Variants in MRPL43 observed in about 807,000 individuals in gnomAD.
MRPL43 encodes the protein mitochondrial ribosomal protein L43.
MRPL43 carries 9 observed loss-of-function variants against 12.7 expected under a neutral mutation model. That is an observed-to-expected ratio of 0.71 (90% CI 0.43 to 1.24). The LOEUF (loss-of-function observed/expected upper bound fraction) is 1.24, where lower values mean the gene tolerates loss of function less well. Ranked by LOEUF, MRPL43 falls within the 50% of genes most tolerant of loss-of-function variation. The pLI, the probability that MRPL43 is intolerant of heterozygous loss-of-function variation, is 0.00. For synonymous variants in MRPL43, 116 were observed against 96.4 expected, an observed-to-expected ratio of 1.20 and a Z score of -1.19; for missense variants, 211 against 229.2, an observed-to-expected ratio of 0.92 and a Z score of 0.51.
At chr10:100,984,094 C>T (rs150436471), downstream of MRPL43, 47 of 1,613,158 alleles carry the variant, frequency 2.9e-5, no homozygotes, top group African/African-American at 6.7e-5. Context: ...AGGAAGCACA[C>T]GCAGCTCGTG....
chr10:100,984,415 A>G (rs543028700), downstream of MRPL43: 2 of 1,469,622 alleles, frequency 1.4e-6, no homozygotes, highest in African/African-American at 1.4e-5. Context: ...CCTATCCCCT[A>G]ACCTAAACAC....
At chr10:100,982,980 C>A (rs935956371), downstream of MRPL43, among the ~76,000 whole-genome samples, 13 of 152,152 alleles carry the variant, frequency 8.5e-5, no homozygotes, top group African/African-American at 2.9e-4. Flanking sequence ...AGATGCCCAG[C>A]ACATGGTAGA....
chr10:100,979,143 T>A (rs144136150), downstream of MRPL43: 11 of 1,614,070 alleles, frequency 6.8e-6, no homozygotes, highest in African/African-American at 1.5e-4. Flanking sequence ...AGAAGTGGAC[T>A]TCCTTCCTGA....
downstream of MRPL43, chr10:100,983,898 G>GGCCCCCCCC: frequency 6.6e-7 from 1 of 1,523,112 alleles, no homozygotes; most frequent in Non-Finnish European, 8.8e-7. Flanking sequence ...TGGGGAGGGA[G>GGCCCCCCCC]CCCCAGCCCC....
downstream of MRPL43, chr10:100,978,490 T>A: frequency 6.2e-7 from 1 of 1,604,676 alleles, no homozygotes. Flanking sequence ...CTGTTGAATA[T>A]GACATGTCTC....
downstream of MRPL43, chr10:100,979,160 G>A (rs374601814): frequency 1.4e-5 from 23 of 1,614,070 alleles, no homozygotes; most frequent in African/African-American, 9.3e-5. Context: ...CTGAAAGCCC[G>A]TCTCATCTGC....
At chr10:100,984,972 C>A, downstream of MRPL43, 1 of 1,377,492 alleles carries the variant, frequency 7.3e-7, no homozygotes, top group Non-Finnish European at 9.6e-7. Context: ...CTTACATTTC[C>A]ACTCACATGC....
chr10:100,984,382 G>A (rs1171020858), downstream of MRPL43: 2 of 1,449,194 alleles, frequency 1.4e-6, no homozygotes, highest in Non-Finnish European at 9.0e-7. Flanking sequence ...AGGATCAGGT[G>A]CCCTGCAGAC....
At chr10:100,980,594 C>T (rs1458448137), downstream of MRPL43, 2 of 1,614,116 alleles carry the variant, frequency 1.2e-6, no homozygotes, top group South Asian at 1.1e-5. Context: ...GCTGGATCCA[C>T]AAGGCCGTAG....
downstream of MRPL43, chr10:100,980,173 C>T (rs1203491941): frequency 2.5e-6 from 4 of 1,614,254 alleles, no homozygotes; most frequent in Non-Finnish European, 3.4e-6. Context: ...CCAAGACTTG[C>T]CATCCCTGGT....
downstream of MRPL43, chr10:100,978,194 CT>C (rs1317130555): frequency 6.4e-6 from 5 of 784,900 alleles, no homozygotes; most frequent in African/African-American, 3.4e-5. Flanking sequence ...CAACCTGCCC[CT>C]ATCCCTGATC....
chr10:100,987,328 G>A lies in MRPL43; in HGVS notation c.116C>T (p.Ser39Leu), dbSNP rs139519013. 46 of 1,612,292 alleles carry A rather than the reference G, an allele frequency of 2.9e-5. No homozygotes were observed. The highest frequency in any genetic ancestry group is 4.0e-5 in the African/African-American group (3 of 74,934). The change falls in exon 1 of 3, where the codon TCG (serine) becomes TTG (leucine). Residue 39 changes from serine to leucine, a missense_variant. Ser to Leu is a moderately radical substitution (Grantham distance 145). Coordinates refer to ENST00000318364, the MANE Select transcript of MRPL43 (RefSeq NM_032112.3). ...LSFSVSRDGA[S>L]SRGAREFVER... ...CTTGGCTCACCTGGCGCCGCGAGAC[G>A]AGGCGCCGTCGCGGCTGACGCTGAA...
downstream of MRPL43, chr10:100,984,009 C>T: frequency 6.2e-7 from 1 of 1,612,662 alleles, no homozygotes; most frequent in African/African-American, 1.3e-5. Context: ...CTATGTGCTT[C>T]TGAGGCAGAG....
downstream of MRPL43, among the ~76,000 whole-genome samples, chr10:100,982,072 A>AG (rs1388585229): frequency 6.6e-6 from 1 of 150,732 alleles, no homozygotes; most frequent in Non-Finnish European, 1.5e-5. Context: ...CAAAAAAAAA[A>AG]AAAAAGAAAG....
downstream of MRPL43, chr10:100,984,418 C>G (rs1851317105): frequency 1.4e-5 from 21 of 1,473,728 alleles, no homozygotes; most frequent in Non-Finnish European, 1.9e-5. Context: ...ATCCCCTAAC[C>G]TAAACACTTA....
rs7184 is a variant in MRPL43, at chr10:100,986,474, C to T, written c.*260G>A. ...TCAATTTGGATTTAAAAAACAAGGG[C>T]CCTGTAAAACCCTTGAAGTCTTCCT... On this transcript the variant is annotated 3_prime_UTR_variant, in exon 3 of 3. Transcript: ENST00000318364. 0.4 allele frequency: 618,712 copies of T among 1,535,994 alleles called. 131,149 individuals carry two copies. Among genetic ancestry groups the T allele is most frequent in the Middle Eastern group, 0.47 (2,782 of 5,906 alleles).
Position 100,987,341 on chromosome 10 carries a change from G to A in MRPL43, c.103C>T (p.Arg35Cys), listed in dbSNP as rs757552429. 82 of 1,612,352 alleles carry A rather than the reference G, an allele frequency of 5.1e-5. No homozygotes were observed. The highest frequency in any genetic ancestry group is 6.8e-5 in the Non-Finnish European group (80 of 1,179,852). ...QLQRLSFSVS[R>C]DGASSRGARE... is the part of the protein sequence containing the mutation. Reference sequence around the variant, plus strand: ...GCGCCGCGAGACGAGGCGCCGTCGCGGCTGACGCTGAAGCTCAGACGCTGC... The same window carrying A: ...GCGCCGCGAGACGAGGCGCCGTCGCAGCTGACGCTGAAGCTCAGACGCTGC... The change falls in exon 1 of 3, where the codon CGC becomes TGC. Residue 35 changes from arginine to cysteine, a missense_variant. Transcript: ENST00000318364.
At chr10:100,978,748 C>A, downstream of MRPL43, 2 of 1,557,826 alleles carry the variant, frequency 1.3e-6, no homozygotes, top group South Asian at 1.2e-5. Context: ...TGAGCCTGTC[C>A]ATTCCATTCC....
At chr10:100,983,630 T>C (rs1851248659), downstream of MRPL43, 2 of 1,614,014 alleles carry the variant, frequency 1.2e-6, no homozygotes, top group Middle Eastern at 1.6e-4. Context: ...TGGCACCTGA[T>C]GTGAGACTGC....
Sources: gnomAD v4.1 joint callset for allele counts (sites outside exome capture counted in the v4.1 genomes callset) on GRCh38, gnomAD v4.1.1 for gene constraint, MANE v1.5 for transcripts, NCBI Gene and HGNC (gene_info 2026-07-23, HGNC 2026-07-21) for gene names.